The following ARHGAP15 variants were observed in gnomAD, a reference collection of about 807,000 sequenced individuals.
ARHGAP15 encodes rho GTPase-activating protein 15.
In ARHGAP15, 51 loss-of-function variants were observed where a neutral mutation model predicts 63.7. The observed-to-expected ratio is 0.80, with a 90% CI of 0.64 to 1.01. The LOEUF is 1.01. Ranked by LOEUF, ARHGAP15 falls within the 50% of genes least tolerant of loss-of-function variation. The probability of loss-of-function intolerance (pLI) is 0.00; values close to 1 mark genes in which losing one functional copy is unlikely to be tolerated. For synonymous variants in ARHGAP15, 191 were observed against 193.8 expected (o/e 0.99, Z 0.12); for missense variants, 560 against 564.6 (o/e 0.99, Z 0.08).
At chr2:143,294,393 G>T (rs371785988) in intron 6 of ARHGAP15, among the ~76,000 whole-genome samples, 1 of 152,012 alleles carries the variant, frequency 6.6e-6, no homozygotes, top group East Asian at 1.9e-4. Flanking sequence ...CTGTAACAAA[G>T]CCCAAAATAG....
At chr2:143,591,826 G>T (rs1359286522) in intron 11 of ARHGAP15, among the ~76,000 whole-genome samples, 1 of 151,914 alleles carries the variant, frequency 6.6e-6, no homozygotes, top group African/African-American at 2.4e-5. Flanking sequence ...CACCATGTTG[G>T]CCAGGCTGGT....
chr2:143,373,001 A>T (rs796528241), intron 6 of ARHGAP15, among the ~76,000 whole-genome samples: 2 of 150,414 alleles, frequency 1.3e-5, no homozygotes, highest in South Asian at 2.1e-4. Context: ...AAAAAAAAAA[A>T]ATCTAGTGAG....
intron 6 of ARHGAP15, among the ~76,000 whole-genome samples, chr2:143,406,854 A>G (rs567088525): frequency 7.2e-5 from 11 of 151,972 alleles, no homozygotes; most frequent in African/African-American, 2.2e-4. Context: ...CTCCCATCTT[A>G]TGGTTCCATC....
At chr2:143,459,830 A>G (rs768058975) in intron 8 of ARHGAP15, among the ~76,000 whole-genome samples, 5 of 152,162 alleles carry the variant, frequency 3.3e-5, no homozygotes, top group Non-Finnish European at 7.4e-5. Flanking sequence ...GTAATCAAAA[A>G]CATTTAAGTT....
At chr2:143,639,024 C>T (rs926979723) in intron 12 of ARHGAP15, among the ~76,000 whole-genome samples, 1 of 151,844 alleles carries the variant, frequency 6.6e-6, no homozygotes, top group Non-Finnish European at 1.5e-5. Flanking sequence ...CTAAGGCTAC[C>T]AGCTGGGAAT....
chr2:143,442,948 A>G (rs1470306038), intron 8 of ARHGAP15, among the ~76,000 whole-genome samples: 2 of 152,180 alleles, frequency 1.3e-5, no homozygotes, highest in African/African-American at 4.8e-5. Flanking sequence ...TACATGAAAC[A>G]TTGATAACTC....
intron 11 of ARHGAP15, among the ~76,000 whole-genome samples, chr2:143,583,368 ATTC>A (rs1696984986): frequency 6.6e-6 from 1 of 152,190 alleles, no homozygotes; most frequent in Admixed American, 6.6e-5. Context: ...AGAAGAAGCA[ATTC>A]TTCTACCAGA....
intron 13 of ARHGAP15, chr2:143,704,008 GAAAA>G (rs111878424): frequency 3.7e-5 from 5 of 135,622 alleles, no homozygotes; most frequent in East Asian, 2.1e-4. Flanking sequence ...AGTCTTCCAG[GAAAA>G]AAAAAAAAAA....
intron 6 of ARHGAP15, among the ~76,000 whole-genome samples, chr2:143,370,088 C>T (rs1686477264): frequency 6.6e-6 from 1 of 152,092 alleles, no homozygotes; most frequent in African/African-American, 2.4e-5. Context: ...TGCAAAAGAA[C>T]TACATCATTT....
intron 9 of ARHGAP15, among the ~76,000 whole-genome samples, chr2:143,505,414 G>A (rs1344720764): frequency 6.6e-6 from 1 of 152,184 alleles, no homozygotes; most frequent in African/African-American, 2.4e-5. Context: ...AGGATAAGGT[G>A]TTTTGGAAAT....
At chr2:143,468,555 G>T (rs1243099311) in intron 8 of ARHGAP15, among the ~76,000 whole-genome samples, 2 of 151,778 alleles carry the variant, frequency 1.3e-5, no homozygotes, top group African/African-American at 4.8e-5. Context: ...ATAAAGGATT[G>T]TTTGCCCTAT....
chr2:143,530,744 A>G (rs1177966163), intron 10 of ARHGAP15, among the ~76,000 whole-genome samples: 2 of 152,082 alleles, frequency 1.3e-5, no homozygotes, highest in Non-Finnish European at 2.9e-5. Context: ...ATCTCATTTT[A>G]TTATTTCCTG....
chr2:143,315,688 C>A (rs1018610107), intron 6 of ARHGAP15, among the ~76,000 whole-genome samples: 7 of 152,082 alleles, frequency 4.6e-5, no homozygotes, highest in Non-Finnish European at 1.0e-4. Flanking sequence ...AATAAGGACA[C>A]CACTAAAATC....
chr2:143,307,822 C>T (rs554048517), intron 6 of ARHGAP15, among the ~76,000 whole-genome samples: 16 of 152,010 alleles, frequency 1.1e-4, no homozygotes, highest in South Asian at 8.3e-4. Context: ...CTTTTTTCTA[C>T]GATATAATTC....
At chr2:143,287,233 A>C (rs1682149955) in intron 6 of ARHGAP15, among the ~76,000 whole-genome samples, 1 of 152,162 alleles carries the variant, frequency 6.6e-6, no homozygotes, top group African/African-American at 2.4e-5. Context: ...TTAGAAGGGA[A>C]GTCTGCTTTT....
At chr2:143,559,964 A>G (rs1695956906) in intron 11 of ARHGAP15, among the ~76,000 whole-genome samples, 1 of 152,242 alleles carries the variant, frequency 6.6e-6, no homozygotes, top group African/African-American at 2.4e-5. Flanking sequence ...CTCTAAATAT[A>G]CATTTTTAAA....
At position 143,537,669 on chromosome 2, in the gene ARHGAP15, G is replaced by C. The variant is rs1286999372; in HGVS notation, c.925+18305G>C. 2.0e-5 allele frequency among the ~76,000 whole-genome samples: 3 copies of C among 152,168 alleles called. 1 individual carries two copies. Among genetic ancestry groups the C allele is most frequent in the Middle Eastern group, 6.3e-3 (2 of 316 alleles). ...CCCATTGCTTGTTTTTGTCAGGTTT[G>C]TCAAAGATCAGATGGCTGTAGATAT... On this transcript the variant is annotated intron_variant, in intron 10 of 13. Transcript: ENST00000295095.
intron 12 of ARHGAP15, among the ~76,000 whole-genome samples, chr2:143,629,221 C>T (rs763173981): frequency 6.6e-6 from 1 of 151,634 alleles, no homozygotes; most frequent in Non-Finnish European, 1.5e-5. Context: ...TCATAAGACC[C>T]TGCAATTGCC....
At chr2:143,729,071 G>A (rs552633689) in intron 13 of ARHGAP15, among the ~76,000 whole-genome samples, 1 of 152,282 alleles carries the variant, frequency 6.6e-6, no homozygotes, top group Admixed American at 6.5e-5. Context: ...GCATGTGCAT[G>A]CATAGCAAGA....
Sources: gnomAD v4.1 joint callset for allele counts (sites outside exome capture counted in the v4.1 genomes callset) on GRCh38, gnomAD v4.1.1 for gene constraint, MANE v1.5 for transcripts, NCBI Gene and HGNC (gene_info 2026-07-23, HGNC 2026-07-21) for gene names.